VWA3A: variants seen among roughly 807,000 people sequenced by gnomAD.
VWA3A encodes the protein von Willebrand factor A domain-containing protein 3A.
Under a neutral mutation model 160.4 loss-of-function variants are expected in VWA3A, and 134 were observed. The ratio of observed to expected loss-of-function variants is 0.84; its 90% CI spans 0.73 to 0.96. The LOEUF (loss-of-function observed/expected upper bound fraction) is 0.96. Among genes scored for constraint, VWA3A ranks in the 40% least tolerant of loss-of-function variants. The pLI, the probability that VWA3A is intolerant of heterozygous loss-of-function variation, is 0.00. For synonymous variants in VWA3A, 476 were observed against 543.4 expected, an observed-to-expected ratio of 0.88 and a Z score of 1.72; for missense variants, 1,310 against 1,447.9, an observed-to-expected ratio of 0.90 and a Z score of 1.55.
At chr16:22,138,285 C>T in intron 21 of VWA3A, 75 bp from the exon 22 acceptor site, 1 of 1,444,538 alleles carries the variant, frequency 6.9e-7, no homozygotes, top group Non-Finnish European at 9.3e-7. Flanking sequence ...GATACAGTCC[C>T]TCCTGCTGTG....
chr16:22,115,589 T>G (rs2045617668), intron 9 of VWA3A, 117 bp downstream of exon 9: 1 of 1,214,892 alleles, frequency 8.2e-7, no homozygotes, highest in Non-Finnish European at 1.1e-6. Context: ...CCCAGCACTT[T>G]GGGAGGCCGA....
At chr16:22,141,899 T>C (rs948587464) in intron 24 of VWA3A, among the ~76,000 whole-genome samples, 37 of 152,154 alleles carry the variant, frequency 2.4e-4, no homozygotes, top group Middle Eastern at 3.4e-3. Context: ...ATGAGAGAAG[T>C]CAATATTGAA....
chr16:22,137,304 C>T (rs1216507205), intron 21 of VWA3A, among the ~76,000 whole-genome samples: 7 of 152,214 alleles, frequency 4.6e-5, no homozygotes, highest in South Asian at 2.1e-4. Flanking sequence ...TTGAGAAAAT[C>T]GTAGGCAAAA....
intron 6 of VWA3A, among the ~76,000 whole-genome samples, chr16:22,108,753 A>G (rs1371250922): frequency 6.6e-6 from 1 of 152,240 alleles, no homozygotes. Flanking sequence ...AGCTATAACA[A>G]GATGAACATT....
intron 12 of VWA3A, among the ~76,000 whole-genome samples, chr16:22,119,742 G>T (rs1003601256): frequency 4.6e-5 from 7 of 152,142 alleles, no homozygotes; most frequent in African/African-American, 1.7e-4. Flanking sequence ...TCTTGGCCAG[G>T]TGTGATGGCT....
chr16:22,131,581 G>T lies in VWA3A; in HGVS notation c.1728-4G>T, dbSNP rs886698273. ...CCTCAGCATGGCCATCTCTGCCTCC[G>T]CAGGTGGGCCCTGAACCTGCGGTGT... On this transcript the variant is annotated splice_region_variant and splice_polypyrimidine_tract_variant and intron_variant, in intron 18 of 33. Coordinates refer to ENST00000389398, the MANE Select transcript of VWA3A (RefSeq NM_173615.5). The T allele has an allele frequency of 5.0e-6, 8 of 1,611,144 alleles. No homozygotes were observed. The highest frequency in any genetic ancestry group is 8.5e-7 in the Non-Finnish European group (1 of 1,178,568).
intron 20 of VWA3A, 81 bp downstream of exon 20, chr16:22,133,176 G>C: frequency 2.1e-6 from 3 of 1,429,070 alleles, no homozygotes; most frequent in Non-Finnish European, 2.8e-6. Context: ...GACCACAGAT[G>C]TATTCCAGAA....
chr16:22,096,734 G>A lies in VWA3A; in HGVS notation c.15-125G>A, dbSNP rs560983571. ...TACTCCAGCCTGGGCAACTAAGTGA[G>A]ACCCTATCTCAAAAAAAAATTAAAC... On this transcript the variant is annotated intron_variant, in intron 1 of 33. Coordinates refer to ENST00000389398, the MANE Select transcript of VWA3A (RefSeq NM_173615.5). 1.3e-4 allele frequency: 86 copies of A among 647,070 alleles called. No homozygotes were observed. The Middle Eastern group carries it at 1.4e-3, about 10-fold the overall frequency. The allele number at this position is 647,070 out of a possible 1,614,324, so 40.1% of individuals were successfully genotyped here.
At chr16:22,151,949 C>T (rs1388264521) in intron 30 of VWA3A, among the ~76,000 whole-genome samples, 1 of 152,144 alleles carries the variant, frequency 6.6e-6, no homozygotes, top group Admixed American at 6.5e-5. Flanking sequence ...CGGCTCATGA[C>T]TGTAATCCCA....
chr16:22,134,254 A>T, intron 20 of VWA3A, 114 bp from the exon 21 acceptor site: 1 of 801,118 alleles, frequency 1.2e-6, no homozygotes, highest in Non-Finnish European at 2.0e-6. Flanking sequence ...GGAGTAAGCC[A>T]CCATTCCCAG....
intron 30 of VWA3A, among the ~76,000 whole-genome samples, chr16:22,152,157 G>A (rs1238195229): frequency 1.3e-5 from 2 of 152,174 alleles, no homozygotes; most frequent in African/African-American, 4.8e-5. Context: ...GTTGCAGTGA[G>A]CCAAGATTGT....
rs567912845 is a variant in VWA3A at position 22,141,582 on chromosome 16, C to T, written c.2384C>T (p.Ala795Val). The T allele has an allele frequency of 1.2e-6, 2 of 1,608,210 alleles. No homozygotes were observed. The highest frequency in any genetic ancestry group is 4.5e-5 in the East Asian group (2 of 44,730). Residue 795 changes from alanine to valine, a missense_variant and splice_region_variant, in exon 24 of 34, where the codon GCT becomes GTT. Coordinates refer to ENST00000389398, the MANE Select transcript of VWA3A (RefSeq NM_173615.5). ...AGCCAACAAGCCAAATGTTCCTCAG[C>T]TGCGGCCCAGCCAACGAAAGAAGGG... ...PLSSRVGISP[A>V]AAQPTKEGMM...
At chr16:22,099,314 A>G (rs971032334) in intron 3 of VWA3A, among the ~76,000 whole-genome samples, 5 of 152,094 alleles carry the variant, frequency 3.3e-5, no homozygotes, top group African/African-American at 1.2e-4. Flanking sequence ...CAGTCCTCTC[A>G]CTCCTTCATG....
At chr16:22,107,541 A>C (rs897868771) in intron 6 of VWA3A, among the ~76,000 whole-genome samples, 4 of 152,148 alleles carry the variant, frequency 2.6e-5, no homozygotes, top group African/African-American at 9.7e-5. Flanking sequence ...CAGGAGTTCA[A>C]GACCAGCCTG....
intron 10 of VWA3A, 115 bp downstream of exon 10, chr16:22,116,982 T>C (rs2045659968): frequency 7.1e-7 from 1 of 1,405,514 alleles, no homozygotes; most frequent in South Asian, 1.2e-5. Context: ...AATGCACCTG[T>C]CCCTGTGCCT....
intron 1 of VWA3A, among the ~76,000 whole-genome samples, chr16:22,094,325 T>G (rs921171090): frequency 6.6e-6 from 1 of 152,020 alleles, no homozygotes; most frequent in Non-Finnish European, 1.5e-5. Context: ...GCCAGTTTTT[T>G]TTTTTTTTTT....
chr16:22,094,643 G>A (rs977442280), intron 1 of VWA3A, among the ~76,000 whole-genome samples: 6 of 151,920 alleles, frequency 3.9e-5, no homozygotes, highest in East Asian at 1.9e-4. Context: ...GGTCTCACAC[G>A]TGCCTGGGAT....
intron 28 of VWA3A, among the ~76,000 whole-genome samples, chr16:22,149,124 G>A (rs1209682780): frequency 6.6e-6 from 1 of 152,180 alleles, no homozygotes; most frequent in East Asian, 1.9e-4. Flanking sequence ...CCCGTGAGGT[G>A]TTGCTGTTAT....
At position 22,144,346 on chromosome 16, in the gene VWA3A, GCCA is replaced by G. The variant is rs1567223121; in HGVS notation, c.2693_2695del (p.Ala898_Lys899delinsGlu). 1 of 1,613,820 alleles carries G rather than the reference GCCA, an allele frequency of 6.2e-7. No homozygotes were observed. Among genetic ancestry groups the G allele is most frequent in the East Asian group, 2.2e-5 (1 of 44,870 alleles). On this transcript the variant is annotated inframe_deletion, in exon 26 of 34. Transcript: ENST00000389398. ...AAAGTCAGGACAGAGGTCAGCATCCGCCAAACACTGCAGCATCTTCCCCAGCGT... is the reference window on the plus strand; with the variant it reads ...AAAGTCAGGACAGAGGTCAGCATCCGAACACTGCAGCATCTTCCCCAGCGT...
Sources: allele counts gnomAD v4.1 joint callset (sites outside exome capture counted in the v4.1 genomes callset), GRCh38; gene constraint gnomAD v4.1.1; transcripts MANE v1.5; gene names NCBI Gene and HGNC (gene_info 2026-07-23, HGNC 2026-07-21).